FBXW2: variants seen among roughly 807,000 people sequenced by gnomAD.
FBXW2 encodes the protein F-box/WD repeat-containing protein 2.
Under a neutral mutation model 46.0 loss-of-function variants are expected in FBXW2, and 12 were observed. That is an observed-to-expected ratio of 0.26 (90% confidence interval 0.17 to 0.42). The LOEUF is 0.42. FBXW2 is among the 10% of genes least tolerant of loss of function. The probability of loss-of-function intolerance (pLI) is 1.00; values close to 1 mark genes in which losing one functional copy is unlikely to be tolerated. For missense variants in FBXW2, 360 were observed against 537.0 expected (o/e 0.67, Z 3.26); for synonymous variants, 203 against 209.6 (o/e 0.97, Z 0.27).
At chr9:120,785,674 GT>G (rs1564461831) in intron 3 of FBXW2, among the ~76,000 whole-genome samples, 1 of 152,086 alleles carries the variant, frequency 6.6e-6, no homozygotes, top group Non-Finnish European at 1.5e-5. Flanking sequence ...GGAGAAGCAA[GT>G]TACTTAACAC....
intron 2 of FBXW2, 86 bp from the exon 3 acceptor site, chr9:120,788,364 T>C: frequency 7.5e-7 from 1 of 1,338,788 alleles, no homozygotes; most frequent in Non-Finnish European, 1.0e-6. Flanking sequence ...TAAAAATTAG[T>C]GTAAAAAATC....
intron 3 of FBXW2, among the ~76,000 whole-genome samples, chr9:120,785,849 G>A (rs916490825): frequency 5.3e-5 from 8 of 151,456 alleles, no homozygotes; most frequent in African/African-American, 1.5e-4. Flanking sequence ...GTGAAACTCC[G>A]CCTCTACTAA....
chr9:120,784,858 T>C (rs1266184819), intron 3 of FBXW2, among the ~76,000 whole-genome samples: 2 of 143,092 alleles, frequency 1.4e-5, no homozygotes, highest in African/African-American at 5.2e-5. Flanking sequence ...GAGGAGGAGG[T>C]TGCAGTGAGC....
At position 120,793,035 on chromosome 9, in the gene FBXW2, A is replaced by G. The variant is rs1260174134; in HGVS notation, c.-21+114T>C. The G allele has an allele frequency of 6.9e-6, 9 of 1,309,474 alleles. No homozygotes were observed. The Admixed American group carries it at 1.6e-4, about 23-fold the overall frequency. The allele number at this position is 1,309,474 out of a possible 1,614,324, so 81.1% of individuals were successfully genotyped here. A position where few individuals can be genotyped will look rare whatever the true frequency, so the allele number is the denominator to read the frequency against. ...TCGCAGCTAAGGAAATGGAGGCAGT[A>G]GGAGGCAGTAACTCCAAAACCCTGT... is the stretch of plus-strand genomic sequence containing the variant. On this transcript the variant is annotated intron_variant, in intron 2 of 7. Coordinates refer to ENST00000608872, the MANE Select transcript of FBXW2 (RefSeq NM_012164.4).
At chr9:120,768,938 A>G (rs1467810882) in intron 7 of FBXW2, among the ~76,000 whole-genome samples, 1 of 152,262 alleles carries the variant, frequency 6.6e-6, no homozygotes. Context: ...GTTAGGGCTC[A>G]AGATCTGTGA....
chr9:120,783,726 T>C (rs1363695655), intron 3 of FBXW2, among the ~76,000 whole-genome samples: 1 of 152,254 alleles, frequency 6.6e-6, no homozygotes, highest in Non-Finnish European at 1.5e-5. Context: ...TGCCCTCACA[T>C]TGTTTTTCAA....
intron 2 of FBXW2, among the ~76,000 whole-genome samples, chr9:120,790,098 A>G (rs2044803933): frequency 6.6e-6 from 1 of 152,208 alleles, no homozygotes; most frequent in Admixed American, 6.5e-5. Flanking sequence ...TCTAAAAAAT[A>G]ATAATTTGCA....
intron 2 of FBXW2, among the ~76,000 whole-genome samples, chr9:120,791,072 C>T (rs773595665): frequency 6.6e-6 from 1 of 152,222 alleles, no homozygotes; most frequent in Non-Finnish European, 1.5e-5. Context: ...GTCTCACTAA[C>T]TGCAGAATGC....
At chr9:120,778,990 T>C (rs1352535132) in intron 3 of FBXW2, among the ~76,000 whole-genome samples, 2 of 152,256 alleles carry the variant, frequency 1.3e-5, no homozygotes, top group Non-Finnish European at 2.9e-5. Flanking sequence ...AGGTGTTTGC[T>C]GAAATATATT....
chr9:120,764,197 CAA>C lies in FBXW2; in HGVS notation c.*360_*361del. ...TATGGTAAAAAGCTTTAATAACAGA[CAA>C]TGTGATTTCATAGGCAACCAATTAG... On this transcript the variant is annotated 3_prime_UTR_variant, in exon 8 of 8. Transcript: ENST00000608872. 2.5e-6 allele frequency: 1 copy of C among 400,516 alleles called. No homozygotes were observed. Among genetic ancestry groups the C allele is most frequent in the Non-Finnish European group, 4.4e-6 (1 of 227,302 alleles). The allele number at this position is 400,516 out of a possible 1,614,324, so 24.8% of individuals were successfully genotyped here.
At chr9:120,772,713 T>C in intron 6 of FBXW2, 41 bp downstream of exon 6, 1 of 1,362,604 alleles carries the variant, frequency 7.3e-7, no homozygotes, top group Non-Finnish European at 1.0e-6. Context: ...TGTTTTCCAG[T>C]TTTTCTTTAA....
chr9:120,778,199 T>G, intron 4 of FBXW2, 152 bp downstream of exon 4: 1 of 699,372 alleles, frequency 1.4e-6, no homozygotes, highest in Non-Finnish European at 2.3e-6. Flanking sequence ...GAAATAAGAG[T>G]AACTAGAATA....
At chr9:120,771,563 CA>C (rs1564452616) in intron 6 of FBXW2, 46 bp from the exon 7 acceptor site, 4 of 1,533,568 alleles carry the variant, frequency 2.6e-6, no homozygotes, top group Non-Finnish European at 3.5e-6. Flanking sequence ...CACATCACTA[CA>C]GAAAAGCTTG....
intron 7 of FBXW2, among the ~76,000 whole-genome samples, chr9:120,769,265 A>C (rs558454297): frequency 6.6e-6 from 1 of 152,278 alleles, no homozygotes; most frequent in South Asian, 2.1e-4. Flanking sequence ...GTTTCAACAG[A>C]GGTTGGTTTA....
intron 3 of FBXW2, 146 bp downstream of exon 3, chr9:120,787,623 G>C (rs2044751683): frequency 1.4e-6 from 1 of 732,674 alleles, no homozygotes; most frequent in African/African-American, 1.8e-5. Flanking sequence ...GATAAGGGGG[G>C]GGAACCACTC....
intron 7 of FBXW2, among the ~76,000 whole-genome samples, chr9:120,770,665 T>C (rs2044359832): frequency 2.0e-5 from 3 of 152,196 alleles, no homozygotes; most frequent in Admixed American, 2.0e-4. Context: ...GTTAAGAAAC[T>C]TATACTAAAT....
chr9:120,787,921 A>G lies in FBXW2; in HGVS notation c.338T>C (p.Val113Ala). Residue 113 changes from valine to alanine, a missense_variant, in exon 3 of 8, where the codon GTT (valine) becomes GCT (alanine). By Grantham distance (64) the Val-to-Ala change is moderately conservative. Transcript: ENST00000608872. ...CTTCTTCCAGTGCAAAGCGTCCTGA[A>G]CAGAATCATCTATCTGCCAGCCCAA... Reference protein sequence around the residue: ...KNLGWQIDDSVQDALHWKKVY... With the variant: ...KNLGWQIDDSAQDALHWKKVY... 1 of 1,614,214 alleles carries G rather than the reference A, an allele frequency of 6.2e-7. No homozygotes were observed. Among genetic ancestry groups the G allele is most frequent in the Non-Finnish European group, 8.5e-7 (1 of 1,180,034 alleles).
rs139418871 is a variant in FBXW2 at position 120,789,684 on chromosome 9, A to G, written c.-20-1406T>C. Among the ~76,000 whole-genome samples, 664 of 152,354 alleles carry G rather than the reference A, an allele frequency of 4.4e-3. 7 individuals are homozygous for G. Among genetic ancestry groups the G allele is most frequent in the African/African-American group, 0.015 (630 of 41,576 alleles). ...AAAAGGAAAGTTAATTTCTTTCCAG[A>G]CATATCACCTAGATCAGGTCTACAC... On this transcript the variant is annotated intron_variant, in intron 2 of 7. Transcript: ENST00000608872.
intron 2 of FBXW2, among the ~76,000 whole-genome samples, chr9:120,790,407 C>A (rs890260008): frequency 1.3e-5 from 2 of 152,064 alleles, no homozygotes; most frequent in African/African-American, 4.8e-5. Context: ...TGGCGTGAAC[C>A]CAGGAGGCGG....
Sources: allele counts gnomAD v4.1 joint callset (sites outside exome capture counted in the v4.1 genomes callset), GRCh38; gene constraint gnomAD v4.1.1; transcripts MANE v1.5; gene names NCBI Gene and HGNC (gene_info 2026-07-23, HGNC 2026-07-21).